Variants in KCNQ5 observed in about 807,000 individuals in gnomAD.
The protein encoded by KCNQ5 is potassium voltage-gated channel subfamily Q member 5, also known as potassium voltage-gated channel subfamily KQT member 5.
Under a neutral mutation model 98.2 loss-of-function variants are expected in KCNQ5, and 30 were observed. That is an observed-to-expected ratio of 0.31 (90% confidence interval 0.23 to 0.41). The LOEUF (loss-of-function observed/expected upper bound fraction) is 0.41, where lower values mean the gene tolerates loss of function less well. KCNQ5 is among the 10% of genes least tolerant of loss of function. The probability of loss-of-function intolerance (pLI) is 1.00; values close to 1 mark genes in which losing one functional copy is unlikely to be tolerated. For missense variants in KCNQ5, 835 were observed against 1,182.5 expected (o/e 0.71, Z 4.31); for synonymous variants, 458 against 449.4 (o/e 1.02, Z -0.24).
chr6:73,071,779 A>T (rs1773311348), intron 3 of KCNQ5, among the ~76,000 whole-genome samples: 1 of 152,166 alleles, frequency 6.6e-6, no homozygotes, highest in Non-Finnish European at 1.5e-5. Context: ...CCCATGACCA[A>T]AACACCTCCC....
At chr6:73,067,645 A>G (rs964579002) in intron 3 of KCNQ5, among the ~76,000 whole-genome samples, 20 of 152,170 alleles carry the variant, frequency 1.3e-4, no homozygotes, top group African/African-American at 4.8e-4. Flanking sequence ...ACAATGAAAT[A>G]AAGTCTGTGT....
intron 1 of KCNQ5, among the ~76,000 whole-genome samples, chr6:72,718,445 CTTTTTTTTTTTTT>C (rs1032425332): frequency 2.8e-5 from 2 of 71,450 alleles, no homozygotes; most frequent in African/African-American, 6.1e-5. Context: ...CCTTTCTGCT[CTTTTTTTTTTTTT>C]TTTTTTTTTT....
intron 1 of KCNQ5, among the ~76,000 whole-genome samples, chr6:72,772,298 G>A (rs1015031390): frequency 1.3e-5 from 2 of 152,034 alleles, no homozygotes; most frequent in African/African-American, 2.4e-5. Flanking sequence ...CATTGCAATA[G>A]CCTCTAATAG....
At chr6:72,777,603 A>G (rs1290484852) in intron 1 of KCNQ5, among the ~76,000 whole-genome samples, 1 of 152,226 alleles carries the variant, frequency 6.6e-6, no homozygotes, top group East Asian at 1.9e-4. Context: ...TTCGATAAGC[A>G]TTTAAACAAC....
At chr6:73,024,207 G>C (rs1770750677) in intron 2 of KCNQ5, among the ~76,000 whole-genome samples, 1 of 151,934 alleles carries the variant, frequency 6.6e-6, no homozygotes, top group African/African-American at 2.4e-5. Flanking sequence ...CCAAATACCT[G>C]AGCAGCAAAT....
At chr6:72,809,950 A>G (rs1294328170) in intron 1 of KCNQ5, among the ~76,000 whole-genome samples, 2 of 152,186 alleles carry the variant, frequency 1.3e-5, no homozygotes, top group Non-Finnish European at 2.9e-5. Context: ...TTAGAGGCAC[A>G]TGTCACAGTT....
Position 73,077,755 on chromosome 6 carries a change from T to C in KCNQ5, c.793-7T>C. Reference sequence around the variant, plus strand: ...CTCTAAAAATCTTTCATTCCTTTTATATCTAGGAATTAATCACAGCTTGGT... The same window carrying C: ...CTCTAAAAATCTTTCATTCCTTTTACATCTAGGAATTAATCACAGCTTGGT... On this transcript the variant is annotated splice_polypyrimidine_tract_variant and splice_region_variant and intron_variant, in intron 4 of 13. Coordinates refer to ENST00000370398, the MANE Select transcript of KCNQ5 (RefSeq NM_019842.4). The C allele has an allele frequency of 6.3e-7, 1 of 1,598,896 alleles. No individual in the cohort carries two copies. The highest frequency in any genetic ancestry group is 8.5e-7 in the Non-Finnish European group (1 of 1,173,864).
intron 1 of KCNQ5, among the ~76,000 whole-genome samples, chr6:72,637,717 G>C (rs992760093): frequency 1.3e-5 from 2 of 152,114 alleles, no homozygotes; most frequent in Non-Finnish European, 2.9e-5. Context: ...CTATAGTTCT[G>C]TTTTGGTATG....
At chr6:72,810,789 A>AC (rs919196350) in intron 1 of KCNQ5, among the ~76,000 whole-genome samples, 1 of 152,136 alleles carries the variant, frequency 6.6e-6, no homozygotes, top group African/African-American at 2.4e-5. Flanking sequence ...CAGAAAAAAA[A>AC]CTCTGAAACA....
chr6:72,915,407 A>T (rs1780092258), intron 1 of KCNQ5, among the ~76,000 whole-genome samples: 1 of 152,120 alleles, frequency 6.6e-6, no homozygotes, highest in Middle Eastern at 3.2e-3. Flanking sequence ...TTTTCTCCCA[A>T]ATAAAAAGGT....
At chr6:73,150,651 ACATGCTATGGAATAC>A in intron 10 of KCNQ5, among the ~76,000 whole-genome samples, 1 of 151,476 alleles carries the variant, frequency 6.6e-6, no homozygotes, top group East Asian at 2.0e-4. Flanking sequence ...CGTGGCACAT[ACATGCTATGGAATAC>A]TACTCAGCAG....
intron 1 of KCNQ5, among the ~76,000 whole-genome samples, chr6:72,895,777 T>TA (rs888950735): frequency 1.3e-5 from 2 of 151,694 alleles, no homozygotes; most frequent in East Asian, 3.9e-4. Flanking sequence ...TTAAAAGTGT[T>TA]AGTCTTTTTA....
intron 1 of KCNQ5, among the ~76,000 whole-genome samples, chr6:72,881,114 T>A (rs1489893723): frequency 6.6e-6 from 1 of 152,238 alleles, no homozygotes; most frequent in African/African-American, 2.4e-5. Flanking sequence ...ATTTTATATT[T>A]GTATTGTACT....
intron 3 of KCNQ5, among the ~76,000 whole-genome samples, chr6:73,060,463 G>C (rs191436970): frequency 4.4e-4 from 67 of 152,236 alleles, no homozygotes; most frequent in African/African-American, 1.6e-3. Context: ...ATACTGGGCA[G>C]AAGAAATTGG....
intron 1 of KCNQ5, among the ~76,000 whole-genome samples, chr6:72,769,563 A>T (rs539696087): frequency 6.6e-6 from 1 of 152,008 alleles, no homozygotes; most frequent in East Asian, 1.9e-4. Context: ...AGCTGATTCC[A>T]TGTGCAGCCA....
intron 1 of KCNQ5, among the ~76,000 whole-genome samples, chr6:72,653,197 G>C (rs1765962862): frequency 6.6e-6 from 1 of 151,686 alleles, no homozygotes; most frequent in Admixed American, 6.6e-5. Context: ...CTTTGTGATG[G>C]TGTTTCATAA....
intron 1 of KCNQ5, among the ~76,000 whole-genome samples, chr6:72,840,069 A>G (rs1443822475): frequency 6.6e-6 from 1 of 152,202 alleles, no homozygotes; most frequent in Non-Finnish European, 1.5e-5. Context: ...TTGACTGTTT[A>G]ACTCATCCAA....
intron 1 of KCNQ5, among the ~76,000 whole-genome samples, chr6:72,800,226 C>G (rs1174361861): frequency 6.6e-6 from 1 of 152,172 alleles, no homozygotes; most frequent in Non-Finnish European, 1.5e-5. Flanking sequence ...CCTTGTACCT[C>G]TGGTAGAATT....
chr6:72,627,397 C>G (rs763626290), intron 1 of KCNQ5, among the ~76,000 whole-genome samples: 1 of 152,032 alleles, frequency 6.6e-6, no homozygotes, highest in Non-Finnish European at 1.5e-5. Flanking sequence ...TTACAGCAAC[C>G]CAAAGGCCGA....
Sources: gnomAD v4.1 joint callset for allele counts (sites outside exome capture counted in the v4.1 genomes callset) on GRCh38, gnomAD v4.1.1 for gene constraint, MANE v1.5 for transcripts, NCBI Gene and HGNC (gene_info 2026-07-23, HGNC 2026-07-21) for gene names.